The following PHF24 variants were observed in gnomAD, a reference collection of about 807,000 sequenced individuals.
PHF24 encodes the protein Galpha inhibitory interacting protein.
A neutral mutation model predicts 42.6 loss-of-function variants in PHF24; 25 were observed. That is an observed-to-expected ratio of 0.59 (90% CI 0.43 to 0.82). The LOEUF (loss-of-function observed/expected upper bound fraction) is 0.82, where lower values mean the gene tolerates loss of function less well. Ranked by LOEUF, PHF24 falls within the 40% of genes least tolerant of loss-of-function variation. The pLI, the probability that PHF24 is intolerant of heterozygous loss-of-function variation, is 0.00. For missense variants in PHF24, 470 were observed against 538.1 expected (o/e 0.87, Z 1.25); for synonymous variants, 185 against 204.8 (o/e 0.90, Z 0.83).
the PHF24 span, among the ~76,000 whole-genome samples, chr9:34,804,233 T>A: frequency 6.6e-6 from 1 of 152,188 alleles, no homozygotes; most frequent in Non-Finnish European, 1.5e-5. Flanking sequence ...AGTTCAGCAA[T>A]CTGAAGAGAG....
chr9:34,907,107 G>A, the PHF24 span, among the ~76,000 whole-genome samples: 1 of 152,144 alleles, frequency 6.6e-6, no homozygotes, highest in African/African-American at 2.4e-5. Context: ...GACTACAGTT[G>A]TGAGCCACTT....
upstream of PHF24, chr9:34,957,536 G>A (rs926152719): frequency 5.3e-5 from 8 of 152,370 alleles, no homozygotes; most frequent in African/African-American, 1.7e-4. Flanking sequence ...TGTGAGGGAT[G>A]AGGTTGCTGC....
the PHF24 span, among the ~76,000 whole-genome samples, chr9:34,939,625 A>G: frequency 6.6e-6 from 1 of 152,236 alleles, no homozygotes; most frequent in African/African-American, 2.4e-5. Flanking sequence ...GGCTGGAAGC[A>G]GACCATGAGA....
the PHF24 span, among the ~76,000 whole-genome samples, chr9:34,670,723 G>T: frequency 6.6e-6 from 1 of 152,106 alleles, no homozygotes; most frequent in Non-Finnish European, 1.5e-5. Context: ...GTCAGGGTTT[G>T]GTTCAAGATT....
intron 1 of PHF24, among the ~76,000 whole-genome samples, chr9:34,961,933 C>T (rs1473494112): frequency 6.6e-6 from 1 of 152,182 alleles, no homozygotes; most frequent in Non-Finnish European, 1.5e-5. Context: ...TTGGCTCTCT[C>T]TCTTTTTGTA....
At chr9:34,834,981 T>C in the PHF24 span, 3 of 1,461,556 alleles carry the variant, frequency 2.1e-6, no homozygotes, top group Non-Finnish European at 2.8e-6. Flanking sequence ...AGGGACTCAC[T>C]GTGCAGAGAA....
chr9:34,917,072 C>T, the PHF24 span: 1 of 700,012 alleles, frequency 1.4e-6, no homozygotes, highest in African/African-American at 1.7e-5. Context: ...AAGAGCGGAG[C>T]GTGTGAGCAG....
chr9:34,888,058 G>A, the PHF24 span, among the ~76,000 whole-genome samples: 2 of 152,002 alleles, frequency 1.3e-5, no homozygotes, highest in Non-Finnish European at 2.9e-5. Context: ...ACGGCATGCT[G>A]TTGTTTGATG....
the PHF24 span, among the ~76,000 whole-genome samples, chr9:34,883,455 A>C: frequency 1.4e-4 from 22 of 152,366 alleles, no homozygotes; most frequent in African/African-American, 5.1e-4. Context: ...AAATTTTTAC[A>C]GTCTACCCAT....
chr9:34,780,296 T>C, the PHF24 span, among the ~76,000 whole-genome samples: 14 of 89,914 alleles, frequency 1.6e-4, no homozygotes, highest in Non-Finnish European at 3.5e-4. Flanking sequence ...TTTTCTTTTT[T>C]TCTTTTTTTT....
chr9:34,697,877 T>C, the PHF24 span, among the ~76,000 whole-genome samples: 25 of 152,322 alleles, frequency 1.6e-4, no homozygotes, highest in African/African-American at 6.0e-4. Flanking sequence ...CTCTTGGGAC[T>C]GGGCAGGCTT....
chr9:34,848,152 T>C, the PHF24 span, among the ~76,000 whole-genome samples: 2 of 151,592 alleles, frequency 1.3e-5, no homozygotes, highest in Admixed American at 1.3e-4. Flanking sequence ...TTTCTATTGA[T>C]TGGAATAGTT....
At chr9:34,899,525 T>C in the PHF24 span, among the ~76,000 whole-genome samples, 4 of 152,284 alleles carry the variant, frequency 2.6e-5, no homozygotes, top group Non-Finnish European at 5.9e-5. Flanking sequence ...ATCTCAAATA[T>C]ACCAAGGTGC....
At chr9:34,956,282 C>T (rs371256118), upstream of PHF24, among the ~76,000 whole-genome samples, 20 of 152,246 alleles carry the variant, frequency 1.3e-4, no homozygotes, top group South Asian at 1.0e-3. Context: ...GTGTGTGTGA[C>T]GGAGTTTCGC....
At chr9:34,893,897 T>C in the PHF24 span, among the ~76,000 whole-genome samples, 5 of 152,224 alleles carry the variant, frequency 3.3e-5, no homozygotes, top group African/African-American at 1.2e-4. Context: ...GTAGGACCTC[T>C]GCATTCTGAG....
chr9:34,787,422 G>A, the PHF24 span, among the ~76,000 whole-genome samples: 1 of 152,112 alleles, frequency 6.6e-6, no homozygotes. Context: ...TAGGCAAGAA[G>A]CCAGCCTGGG....
the PHF24 span, among the ~76,000 whole-genome samples, chr9:34,691,782 G>A: frequency 6.6e-6 from 1 of 152,170 alleles, no homozygotes; most frequent in Admixed American, 6.5e-5. Context: ...TTCCCTTGGG[G>A]CAAGCAGAGC....
the PHF24 span, among the ~76,000 whole-genome samples, chr9:34,790,281 C>T: frequency 6.6e-6 from 1 of 152,222 alleles, no homozygotes; most frequent in African/African-American, 2.4e-5. Context: ...CAGATGTCCT[C>T]ACAGAAGCAT....
chr9:34,837,233 A>T, the PHF24 span: 1 of 414,082 alleles, frequency 2.4e-6, no homozygotes. Context: ...GACACTGAGA[A>T]CCCTAATTAT....
Sources: allele counts gnomAD v4.1 joint callset (sites outside exome capture counted in the v4.1 genomes callset), GRCh38; gene constraint gnomAD v4.1.1; transcripts MANE v1.5; gene names NCBI Gene and HGNC (gene_info 2026-07-23, HGNC 2026-07-21).